Variants in PEPD observed in about 807,000 individuals in gnomAD.
PEPD encodes peptidase D.
Under a neutral mutation model 60.7 loss-of-function variants are expected in PEPD, and 53 were observed. The observed-to-expected ratio is 0.87, with a 90% confidence interval of 0.70 to 1.10. The LOEUF (loss-of-function observed/expected upper bound fraction) is 1.10, where lower values mean the gene tolerates loss of function less well. Among genes scored for constraint, PEPD ranks in the 50% least tolerant of loss-of-function variants. The pLI is 0.00. For synonymous variants in PEPD, 267 were observed against 284.1 expected, an observed-to-expected ratio of 0.94 and a Z score of 0.60; for missense variants, 711 against 711.9, an observed-to-expected ratio of 1.00 and a Z score of 0.01.
intron 9 of PEPD, among the ~76,000 whole-genome samples, chr19:33,449,780 C>T (rs139505976): frequency 1.4e-3 from 207 of 152,218 alleles, no homozygotes; most frequent in African/African-American, 4.7e-3. Flanking sequence ...TGCATGGCTC[C>T]GATCCCAGCG....
chr19:33,448,580 C>T lies in PEPD; in HGVS notation c.671+14415G>A, dbSNP rs1003887142. On this transcript the variant is annotated intron_variant, in intron 9 of 14. Transcript: ENST00000244137. ...TTTTTCTTGAAATACATGACCCTTTCGACTATCTTTTTTTTCTCTTTTGAT... is the reference window on the plus strand; with the variant it reads ...TTTTTCTTGAAATACATGACCCTTTTGACTATCTTTTTTTTCTCTTTTGAT... Among the ~76,000 whole-genome samples, 7 of 152,068 alleles carry T rather than the reference C, an allele frequency of 4.6e-5. No individual in the cohort carries two copies. In the East Asian group the frequency reaches 9.6e-4, roughly 21 times the overall value.
intron 1 of PEPD, among the ~76,000 whole-genome samples, chr19:33,516,340 A>G (rs1031321757): frequency 6.6e-6 from 1 of 152,188 alleles, no homozygotes; most frequent in African/African-American, 2.4e-5. Flanking sequence ...GGCAAAAGCC[A>G]TTATCATCCC....
chr19:33,468,143 T>C (rs970521419), intron 7 of PEPD, among the ~76,000 whole-genome samples: 5 of 152,268 alleles, frequency 3.3e-5, no homozygotes, highest in Admixed American at 3.3e-4. Context: ...ACCTGGAGAA[T>C]GGAGGTGGGC....
intron 9 of PEPD, among the ~76,000 whole-genome samples, chr19:33,432,693 T>A (rs1024304898): frequency 6.6e-6 from 1 of 152,226 alleles, no homozygotes; most frequent in African/African-American, 2.4e-5. Flanking sequence ...TCACCTAGAA[T>A]GCATAAAACA....
chr19:33,510,815 C>G (rs1011978029), intron 3 of PEPD, among the ~76,000 whole-genome samples: 1 of 152,208 alleles, frequency 6.6e-6, no homozygotes, highest in African/African-American at 2.4e-5. Context: ...TCCTACCACA[C>G]AGTCATACTC....
chr19:33,493,266 C>T, intron 5 of PEPD, 24 bp downstream of exon 5: 1 of 1,580,166 alleles, frequency 6.3e-7, no homozygotes. Context: ...AGCACTGCCC[C>T]ACCCCTGGAC....
intron 9 of PEPD, among the ~76,000 whole-genome samples, chr19:33,415,398 G>A (rs868746627): frequency 3.7e-4 from 57 of 152,200 alleles, no homozygotes; most frequent in African/African-American, 1.3e-3. Context: ...CAGGCCGGGC[G>A]CAGTGGCTCA....
chr19:33,478,127 C>T (rs746885456), intron 6 of PEPD, 37 bp from the exon 7 acceptor site: 27 of 1,472,964 alleles, frequency 1.8e-5, no homozygotes, highest in African/African-American at 2.8e-5. Context: ...ATTAATCCAA[C>T]GGTCTGTCAT....
intron 12 of PEPD, among the ~76,000 whole-genome samples, chr19:33,397,948 G>C (rs1425449529): frequency 6.6e-6 from 1 of 152,198 alleles, no homozygotes; most frequent in Non-Finnish European, 1.5e-5. Context: ...TTGGGCCAGG[G>C]AGCTGGCCAG....
rs1555762504 is a variant in PEPD, at chr19:33,453,317, A to AAAAAAAATAAATAAAT, written c.671+9677_671+9678insATTTATTTATTTTTTT. ...CAGTAGAGCAAAACACTGTCATAAA[A>AAAAAAAATAAATAAAT]AAATAAATAAATAAATAAATAAATA... On this transcript the variant is annotated intron_variant, in intron 9 of 14. Coordinates refer to ENST00000244137, the MANE Select transcript of PEPD (RefSeq NM_000285.4). 1.9e-3 allele frequency among the ~76,000 whole-genome samples: 285 copies of AAAAAAAATAAATAAAT among 148,742 alleles called. 3 individuals carry two copies. The highest frequency in any genetic ancestry group is 6.4e-3 in the African/African-American group (256 of 40,066).
chr19:33,472,414 C>T (rs1970137306), intron 7 of PEPD, among the ~76,000 whole-genome samples: 1 of 152,158 alleles, frequency 6.6e-6, no homozygotes, highest in South Asian at 2.1e-4. Context: ...CACAGCCTCA[C>T]AGAGAGTCCC....
At chr19:33,451,512 CT>C (rs1969700368) in intron 9 of PEPD, among the ~76,000 whole-genome samples, 1 of 152,138 alleles carries the variant, frequency 6.6e-6, no homozygotes, top group East Asian at 1.9e-4. Flanking sequence ...GATAGAAAAA[CT>C]TTTTTAAAGC....
At chr19:33,496,229 GAGC>G (rs1568501974) in intron 4 of PEPD, among the ~76,000 whole-genome samples, 1 of 152,152 alleles carries the variant, frequency 6.6e-6, no homozygotes, top group Non-Finnish European at 1.5e-5. Context: ...TGGGAGGGAG[GAGC>G]AGGATAACAA....
At chr19:33,395,056 C>G (rs1209576733) in intron 12 of PEPD, 1 of 152,252 alleles carries the variant, frequency 6.6e-6, no homozygotes, top group Admixed American at 6.5e-5. Context: ...TCACCCACTC[C>G]TGGGTGGGGT....
intron 10 of PEPD, 129 bp from the exon 11 acceptor site, chr19:33,411,878 C>T: frequency 1.4e-6 from 1 of 711,734 alleles, no homozygotes; most frequent in Non-Finnish European, 2.6e-6. Flanking sequence ...CCAGGCGTGG[C>T]TGGACCAGGT....
intron 6 of PEPD, among the ~76,000 whole-genome samples, chr19:33,484,330 A>G (rs1159409703): frequency 2.0e-5 from 3 of 152,184 alleles, no homozygotes; most frequent in Admixed American, 6.5e-5. Context: ...GCAGCCAAAC[A>G]CACCACCACC....
intron 9 of PEPD, among the ~76,000 whole-genome samples, chr19:33,458,861 GGCGTGTGTGTC>G (rs1337456268): frequency 1.2e-4 from 1 of 8,188 alleles, no homozygotes; most frequent in African/African-American, 3.7e-4. Flanking sequence ...TGTATGGTGT[GGCGTGTGTGTC>G]ATGTGTGTGG....
At chr19:33,494,306 C>G (rs1970556462) in intron 4 of PEPD, among the ~76,000 whole-genome samples, 1 of 152,166 alleles carries the variant, frequency 6.6e-6, no homozygotes, top group Non-Finnish European at 1.5e-5. Context: ...GTGAGGAGAA[C>G]TTGTTGTTGT....
chr19:33,404,533 A>G (rs542189558), intron 11 of PEPD, among the ~76,000 whole-genome samples: 4 of 152,320 alleles, frequency 2.6e-5, no homozygotes, highest in Admixed American at 2.6e-4. Context: ...ATGTAAAAAC[A>G]AGACTGTTCT....
Sources: allele counts gnomAD v4.1 joint callset (sites outside exome capture counted in the v4.1 genomes callset), GRCh38; gene constraint gnomAD v4.1.1; transcripts MANE v1.5; gene names NCBI Gene and HGNC (gene_info 2026-07-23, HGNC 2026-07-21).